SLC16A7: variants seen among roughly 807,000 people sequenced by gnomAD.
The protein encoded by SLC16A7 is solute carrier family 16 member 7, also known as monocarboxylate transporter 2.
Under a neutral mutation model 34.9 loss-of-function variants are expected in SLC16A7, and 33 were observed. The observed-to-expected ratio is 0.94, with a 90% CI of 0.72 to 1.26. SLC16A7 has a LOEUF of 1.26. Ranked by LOEUF, SLC16A7 falls within the 50% of genes most tolerant of loss-of-function variation. The probability of loss-of-function intolerance (pLI) is 0.00; values close to 1 mark genes in which losing one functional copy is unlikely to be tolerated. For synonymous variants in SLC16A7, 201 were observed against 206.6 expected (o/e 0.97, Z 0.23); for missense variants, 573 against 578.1 (o/e 0.99, Z 0.09).
chr12:59,635,120 G>T (rs182763256), intron 1 of SLC16A7, among the ~76,000 whole-genome samples: 2 of 151,940 alleles, frequency 1.3e-5, no homozygotes, highest in African/African-American at 4.8e-5. Flanking sequence ...ATTAGCTTTT[G>T]CCATTAGAAA....
chr12:59,636,418 C>CT (rs894636355), intron 1 of SLC16A7, among the ~76,000 whole-genome samples: 8 of 152,014 alleles, frequency 5.3e-5, no homozygotes, highest in South Asian at 4.2e-4. Flanking sequence ...AGGCAACATA[C>CT]TTTTTTTTAC....
intron 2 of SLC16A7, among the ~76,000 whole-genome samples, chr12:59,674,981 G>T (rs1870186795): frequency 1.3e-5 from 2 of 152,146 alleles, no homozygotes; most frequent in Non-Finnish European, 2.9e-5. Flanking sequence ...TGGTAGGTCT[G>T]ATCCTCAGCT....
At chr12:59,724,978 A>G (rs11173122) in intron 3 of SLC16A7, among the ~76,000 whole-genome samples, 2,576 of 143,442 alleles carry the variant, frequency 0.018, 57 homozygotes, top group African/African-American at 0.071. Flanking sequence ...CCTGCCACGT[A>G]ATGCATGCTC....
intron 2 of SLC16A7, among the ~76,000 whole-genome samples, chr12:59,661,997 C>T (rs1229297301): frequency 1.3e-5 from 2 of 149,088 alleles, no homozygotes; most frequent in African/African-American, 5.0e-5. Flanking sequence ...TTATGGTACT[C>T]TTTCCAGGAA....
chr12:59,725,581 C>G (rs1013983180), intron 3 of SLC16A7, among the ~76,000 whole-genome samples: 3 of 152,096 alleles, frequency 2.0e-5, no homozygotes, highest in African/African-American at 7.2e-5. Context: ...TAAATGACTT[C>G]TTTACTGCTT....
chr12:59,714,604 G>T (rs572476720), intron 3 of SLC16A7, among the ~76,000 whole-genome samples: 1 of 148,708 alleles, frequency 6.7e-6, no homozygotes, highest in Non-Finnish European at 1.5e-5. Flanking sequence ...TTGCTCTGCC[G>T]CCCAGGCTGG....
intron 3 of SLC16A7, among the ~76,000 whole-genome samples, chr12:59,764,838 G>C (rs922703846): frequency 7.9e-5 from 12 of 152,072 alleles, no homozygotes; most frequent in Admixed American, 7.2e-4. Flanking sequence ...AATCCTTTGG[G>C]TATATACCCA....
At chr12:59,729,373 G>A (rs989692606) in intron 3 of SLC16A7, among the ~76,000 whole-genome samples, 13 of 152,052 alleles carry the variant, frequency 8.5e-5, no homozygotes, top group African/African-American at 2.2e-4. Flanking sequence ...TAAATCTTCC[G>A]GGACAAAAGT....
At chr12:59,605,658 T>C (rs1441703438) in intron 1 of SLC16A7, among the ~76,000 whole-genome samples, 1 of 152,232 alleles carries the variant, frequency 6.6e-6, no homozygotes, top group Non-Finnish European at 1.5e-5. Flanking sequence ...AGTCTTGAGT[T>C]ACACAGATAT....
chr12:59,612,859 A>G (rs1457630713), intron 1 of SLC16A7, among the ~76,000 whole-genome samples: 1 of 152,144 alleles, frequency 6.6e-6, no homozygotes, highest in Non-Finnish European at 1.5e-5. Flanking sequence ...TGTACATATT[A>G]CTATCAGTAT....
chr12:59,782,422 G>C lies in SLC16A7; in HGVS notation c.*2743G>C, dbSNP rs1489072005. Reference sequence around the variant, plus strand: ...ATATAGTCACATAAATGGAGGAGGAGATATATTTGGCTTCTGCCTCTGCAA... The same window carrying C: ...ATATAGTCACATAAATGGAGGAGGACATATATTTGGCTTCTGCCTCTGCAA... On this transcript the variant is annotated 3_prime_UTR_variant, in exon 6 of 6. Coordinates refer to ENST00000547379, the MANE Select transcript of SLC16A7 (RefSeq NM_001270623.2). 6.6e-6 allele frequency: 1 copy of C among 152,166 alleles called. No homozygotes were observed. Among genetic ancestry groups the C allele is most frequent in the East Asian group, 1.9e-4 (1 of 5,202 alleles). The allele number at this position is 152,166 out of a possible 1,614,324, so 9.4% of individuals were successfully genotyped here.
At chr12:59,611,294 C>T (rs571290095) in intron 1 of SLC16A7, among the ~76,000 whole-genome samples, 1 of 152,274 alleles carries the variant, frequency 6.6e-6, no homozygotes, top group East Asian at 1.9e-4. Context: ...TCCTTCTTCA[C>T]ATGGCAGCAG....
intron 1 of SLC16A7, among the ~76,000 whole-genome samples, chr12:59,636,320 G>A (rs1880423245): frequency 6.6e-6 from 1 of 152,046 alleles, no homozygotes; most frequent in Non-Finnish European, 1.5e-5. Flanking sequence ...ATTGAAAATT[G>A]AAGTTAAATT....
At chr12:59,701,202 C>T (rs1467199570) in intron 2 of SLC16A7, among the ~76,000 whole-genome samples, 1 of 150,638 alleles carries the variant, frequency 6.6e-6, no homozygotes, top group Admixed American at 6.6e-5. Context: ...TTAGTCATGC[C>T]ATTTACATGT....
chr12:59,634,277 G>A (rs1218158230), intron 1 of SLC16A7, among the ~76,000 whole-genome samples: 1 of 152,062 alleles, frequency 6.6e-6, no homozygotes, highest in Admixed American at 6.6e-5. Context: ...TACATGATAA[G>A]TGCCAGATGA....
In SLC16A7 at chr12:59,597,680, C is replaced by T. The variant is rs1205192970; in HGVS notation, c.-130+1444C>T. 2.0e-5 allele frequency among the ~76,000 whole-genome samples: 3 copies of T among 152,110 alleles called. No individual in the cohort carries two copies. The East Asian group carries it at 5.8e-4, about 29-fold the overall frequency. On this transcript the variant is annotated intron_variant, in intron 1 of 5. Coordinates refer to ENST00000547379, the MANE Select transcript of SLC16A7 (RefSeq NM_001270623.2). ...TAATATTTAGCTCTGGTGAAGCAAT[C>T]CTAACTCCAGGTTCTACTTCTGACT...
At chr12:59,679,707 A>T (rs79812509) in intron 2 of SLC16A7, among the ~76,000 whole-genome samples, 10,842 of 152,234 alleles carry the variant, frequency 0.071, 430 homozygotes, top group Middle Eastern at 0.17. Flanking sequence ...GTATTTCCAA[A>T]GTCTGGCACA....
At chr12:59,623,042 A>T in intron 1 of SLC16A7, among the ~76,000 whole-genome samples, 1 of 132,334 alleles carries the variant, frequency 7.6e-6, no homozygotes, top group Non-Finnish European at 1.6e-5. Flanking sequence ...TTCCCTACTG[A>T]ATGCTGTGTG....
rs143708815 is a variant in SLC16A7, at chr12:59,714,179, C to T, written c.217+9161C>T. ...AAGAGTCATGGAGAGTTCTAGTAGC[C>T]CAGAGGAGGTGAATGTGATTGATCT... On this transcript the variant is annotated intron_variant, in intron 3 of 5. Coordinates refer to ENST00000547379, the MANE Select transcript of SLC16A7 (RefSeq NM_001270623.2). Among the ~76,000 whole-genome samples the T allele has an allele frequency of 8.5e-5, 13 of 152,050 alleles. No individual in the cohort carries two copies. In the East Asian group the frequency reaches 2.3e-3, roughly 27 times the overall value.
Sources: allele counts gnomAD v4.1 joint callset (sites outside exome capture counted in the v4.1 genomes callset), GRCh38; gene constraint gnomAD v4.1.1; transcripts MANE v1.5; gene names NCBI Gene and HGNC (gene_info 2026-07-23, HGNC 2026-07-21).